Variants in GREB1 observed in about 807,000 individuals in gnomAD.
The protein encoded by GREB1 is protein GREB1.
Under a neutral mutation model 200.7 loss-of-function variants are expected in GREB1, and 106 were observed. The ratio of observed to expected loss-of-function variants is 0.53; its 90% confidence interval spans 0.45 to 0.62. GREB1 has a LOEUF of 0.62. GREB1 is among the 20% of genes least tolerant of loss of function. The probability of loss-of-function intolerance (pLI) is 0.00; values close to 1 mark genes in which losing one functional copy is unlikely to be tolerated. For missense variants in GREB1, 2,243 were observed against 2,556.8 expected (o/e 0.88, Z 2.65); for synonymous variants, 1,132 against 1,092.4 (o/e 1.04, Z -0.72).
At chr2:11,560,201 T>C (rs1676859332) in intron 2 of GREB1, among the ~76,000 whole-genome samples, 1 of 152,178 alleles carries the variant, frequency 6.6e-6, no homozygotes, top group African/African-American at 2.4e-5. Context: ...GTTAAGTAAT[T>C]TTCCTGCGTC....
chr2:11,510,446 A>G (rs923328860), intron 1 of GREB1, among the ~76,000 whole-genome samples: 1 of 152,216 alleles, frequency 6.6e-6, no homozygotes, highest in Non-Finnish European at 1.5e-5. Context: ...GGGTTGTAAA[A>G]TGATGACACC....
At chr2:11,574,705 T>C (rs942728269) in intron 4 of GREB1, among the ~76,000 whole-genome samples, 3 of 152,226 alleles carry the variant, frequency 2.0e-5, no homozygotes, top group Admixed American at 6.5e-5. Context: ...TCTGGTTCTC[T>C]GATTTCACAA....
intron 26 of GREB1, among the ~76,000 whole-genome samples, chr2:11,631,389 T>C (rs1684863731): frequency 6.6e-6 from 1 of 152,246 alleles, no homozygotes; most frequent in Non-Finnish European, 1.5e-5. Context: ...CTGGGCACAA[T>C]ATTAGATTCT....
chr2:11,546,697 T>A (rs1382522710), intron 1 of GREB1, among the ~76,000 whole-genome samples: 1 of 152,176 alleles, frequency 6.6e-6, no homozygotes, highest in Non-Finnish European at 1.5e-5. Flanking sequence ...CTTTCTTGGC[T>A]CCCAGCATGA....
chr2:11,597,105 CAT>C lies in GREB1; in HGVS notation c.1955-675_1955-674del, dbSNP rs1477123691. On this transcript the variant is annotated intron_variant, in intron 13 of 32. Transcript: ENST00000381486. The surrounding 1 kb of genome is among the most constrained non-coding windows in gnomAD (Gnocchi z 4.1). Reference sequence around the variant, plus strand: ...GTGGGTGCTGAGGGGACAGAGGGCTCATGTGTGCTCGGTGGGCGATGAGAGGG... The same window carrying C: ...GTGGGTGCTGAGGGGACAGAGGGCTCGTGTGCTCGGTGGGCGATGAGAGGG... 4.6e-5 allele frequency among the ~76,000 whole-genome samples: 7 copies of C among 152,038 alleles called. No homozygotes were observed. The highest frequency in any genetic ancestry group is 1.9e-4 in the East Asian group (1 of 5,162).
At chr2:11,553,709 C>T (rs947342577) in intron 1 of GREB1, among the ~76,000 whole-genome samples, 3 of 152,080 alleles carry the variant, frequency 2.0e-5, no homozygotes, top group Admixed American at 2.0e-4. Context: ...GTGTCTTGCA[C>T]GCAGTGGCTG....
At position 11,592,803 on chromosome 2, in the gene GREB1, A is replaced by G; in HGVS notation, c.1373A>G (p.Asp458Gly). ...LAADQVPLMEDLEQIFLRSWR... is the reference protein window; with the variant it reads ...LAADQVPLMEGLEQIFLRSWR... ...GCGGACCAGGTGCCCTTGATGGAGGACCTGGAGCAGATCTTCCTGCGCTCT... is the reference window on the plus strand; with the variant it reads ...GCGGACCAGGTGCCCTTGATGGAGGGCCTGGAGCAGATCTTCCTGCGCTCT... The change falls in exon 11 of 33, where the codon GAC becomes GGC. Residue 458 changes from aspartate (D) to glycine (G), a missense_variant. Transcript: ENST00000381486. The G allele has an allele frequency of 6.4e-7, 1 of 1,562,214 alleles. No individual in the cohort carries two copies. Among genetic ancestry groups the G allele is most frequent in the East Asian group, 2.3e-5 (1 of 42,832 alleles).
At chr2:11,603,716 A>C (rs1572887963) in intron 17 of GREB1, among the ~76,000 whole-genome samples, 1 of 152,372 alleles carries the variant, frequency 6.6e-6, no homozygotes, top group African/African-American at 2.4e-5. Context: ...TGGCTGCATG[A>C]AGTAGCCCTC....
Position 11,634,248 on chromosome 2 carries a change from C to T in GREB1, c.5109C>T (p.Thr1703=). The T allele has an allele frequency of 1.2e-6, 2 of 1,614,212 alleles. No homozygotes were observed. The highest frequency in any genetic ancestry group is 1.7e-6 in the Non-Finnish European group (2 of 1,180,038). Residue 1703 remains threonine, a synonymous_variant, in exon 29 of 33, where the codon ACC becomes ACT. Transcript: ENST00000381486. ...LLGLRKWSSK[T]RASEVQEPFS... ...GCCTGCGGAAGTGGTCCAGCAAGAC[C>T]CGGGCCAGCGAGGTGCAAGAGCCCT...
intron 16 of GREB1, among the ~76,000 whole-genome samples, chr2:11,601,341 C>T (rs1254352951): frequency 6.6e-6 from 1 of 152,180 alleles, no homozygotes; most frequent in Non-Finnish European, 1.5e-5. Flanking sequence ...GGGCTCCATA[C>T]AGAGCAACGC....
Position 11,601,022 on chromosome 2 carries a change from T to C in GREB1, c.2529+27T>C, listed in dbSNP as rs569147666. 21 of 1,578,304 alleles carry C rather than the reference T, an allele frequency of 1.3e-5. No homozygotes were observed. In the East Asian group the frequency reaches 4.3e-4, roughly 32 times the overall value. ...TGAGTGCCACGGGGCTGCTGGGCCC[T>C]TGTGTAGCAATATCACTTGGGTTTG... is the stretch of plus-strand genomic sequence containing the variant. On this transcript the variant is annotated intron_variant, in intron 16 of 32. Transcript: ENST00000381486.
intron 4 of GREB1, among the ~76,000 whole-genome samples, chr2:11,567,914 G>C (rs1572734920): frequency 6.6e-6 from 1 of 152,272 alleles, no homozygotes; most frequent in East Asian, 1.9e-4. Flanking sequence ...CATGAAGCGG[G>C]GAGGTGACTT....
Position 11,587,443 on chromosome 2 carries a change from G to A in GREB1, c.1160-1303G>A, listed in dbSNP as rs757849331. The A allele has an allele frequency of 9.9e-6, 16 of 1,613,778 alleles. No individual in the cohort carries two copies. In the South Asian group the frequency reaches 1.5e-4, roughly 16 times the overall value. On this transcript the variant is annotated intron_variant, in intron 9 of 32. Coordinates refer to ENST00000381486, the MANE Select transcript of GREB1 (RefSeq NM_014668.4). ...GTCCGGCAGAACCTGCATCGCCCCG[G>A]AGCTTATGAGAGGCGTGAATTCATG...
At chr2:11,539,053 CTTCTCTTCT>C (rs1469402247) in intron 1 of GREB1, among the ~76,000 whole-genome samples, 10 of 111,874 alleles carry the variant, frequency 8.9e-5, no homozygotes, top group Non-Finnish European at 1.2e-4. Flanking sequence ...CTTCTCTTCT[CTTCTCTTCT>C]CTTCTCTTAT....
Position 11,523,045 on chromosome 2 carries a change from C to T in GREB1, c.-158-33412C>T, listed in dbSNP as rs138072354. On this transcript the variant is annotated intron_variant, in intron 1 of 2. Coordinates refer to the GREB1 transcript ENST00000628795. ...AGATACACCATGGAATACTATGCAG[C>T]CATAAAAAAGAATGAGATCATGTCT... Among the ~76,000 whole-genome samples, 1,106 of 152,236 alleles carry T rather than the reference C, an allele frequency of 7.3e-3. 23 individuals carry two copies. The highest frequency in any genetic ancestry group is 0.025 in the African/African-American group (1,048 of 41,540).
At chr2:11,546,110 G>A (rs1046988606) in intron 1 of GREB1, among the ~76,000 whole-genome samples, 6 of 152,162 alleles carry the variant, frequency 3.9e-5, no homozygotes, top group Admixed American at 3.9e-4. Context: ...CCAGGAGGTG[G>A]AGGTTGCGGT....
chr2:11,564,710 G>T (rs1898003), intron 3 of GREB1, among the ~76,000 whole-genome samples: 65,625 of 152,056 alleles, frequency 0.43, 17,267 homozygotes, highest in South Asian at 0.58. Context: ...CTTGACCTCA[G>T]GGAATTGACC....
At position 11,634,258 on chromosome 2, in the gene GREB1, G is replaced by C; in HGVS notation, c.5119G>C (p.Glu1707Gln). The change falls in exon 29 of 33, where the codon GAG becomes CAG. Residue 1707 changes from glutamate to glutamine, a missense_variant. Transcript: ENST00000381486. ...GTGGTCCAGCAAGACCCGGGCCAGC[G>C]AGGTGCAAGAGCCCTTCTCCCGCTG... is the stretch of plus-strand genomic sequence containing the variant. ...RKWSSKTRASEVQEPFSRCHV... is the reference protein window; with the variant it reads ...RKWSSKTRASQVQEPFSRCHV... 1.2e-6 allele frequency: 2 copies of C among 1,614,204 alleles called. No homozygotes were observed. Among genetic ancestry groups the C allele is most frequent in the South Asian group, 1.1e-5 (1 of 91,086 alleles).
At chr2:11,632,854 G>C in intron 27 of GREB1, 35 bp from the exon 28 acceptor site, 1 of 1,598,026 alleles carries the variant, frequency 6.3e-7, no homozygotes, top group Non-Finnish European at 8.6e-7. Flanking sequence ...GTGGGTGCAG[G>C]TCAGTCCTGA....
Sources: gnomAD v4.1 joint callset for allele counts (sites outside exome capture counted in the v4.1 genomes callset) on GRCh38, gnomAD v4.1.1 for gene constraint, Gnocchi (gnomAD v3.1) non-coding constraint, MANE v1.5 for transcripts, NCBI Gene and HGNC (gene_info 2026-07-23, HGNC 2026-07-21) for gene names.